Variants in ALK observed in about 807,000 individuals in gnomAD.
The protein encoded by ALK is ALK tyrosine kinase receptor.
In ALK, 74 loss-of-function variants were observed where a neutral mutation model predicts 163.1. The observed-to-expected ratio is 0.45, with a 90% confidence interval of 0.38 to 0.55. The LOEUF is 0.55. Among genes scored for constraint, ALK ranks in the 20% least tolerant of loss-of-function variants. The probability of loss-of-function intolerance (pLI) is 0.00; values close to 1 mark genes in which losing one functional copy is unlikely to be tolerated. For synonymous variants in ALK, 960 were observed against 843.2 expected (o/e 1.14, Z -2.40); for missense variants, 2,063 against 2,105.3 (o/e 0.98, Z 0.39).
intron 4 of ALK, among the ~76,000 whole-genome samples, chr2:29,505,711 A>G (rs532546515): frequency 1.3e-5 from 2 of 152,090 alleles, no homozygotes; most frequent in African/African-American, 4.8e-5. Context: ...CAGCCACATC[A>G]GATAATTCAT....
chr2:29,674,824 A>G (rs1216877778), intron 3 of ALK, among the ~76,000 whole-genome samples: 1 of 129,910 alleles, frequency 7.7e-6, no homozygotes, highest in Non-Finnish European at 1.6e-5. Flanking sequence ...TTTAGTTGGT[A>G]AGCTATTGAT....
intron 4 of ALK, among the ~76,000 whole-genome samples, chr2:29,394,520 G>C (rs1669256791): frequency 6.6e-6 from 1 of 152,192 alleles, no homozygotes; most frequent in African/African-American, 2.4e-5. Context: ...CTGAATTCTG[G>C]GCAGGGGAAG....
chr2:29,909,029 T>G (rs1028776918), intron 1 of ALK, among the ~76,000 whole-genome samples: 1 of 152,226 alleles, frequency 6.6e-6, no homozygotes, highest in Non-Finnish European at 1.5e-5. Context: ...AAGGATTCCC[T>G]TGTCTAATTT....
intron 3 of ALK, among the ~76,000 whole-genome samples, chr2:29,571,375 T>C (rs556857486): frequency 3.1e-4 from 47 of 152,180 alleles, no homozygotes; most frequent in South Asian, 1.9e-3. Context: ...AGGAGGTGAT[T>C]GGATCATGGG....
chr2:29,491,152 T>C (rs1671889945), intron 4 of ALK, among the ~76,000 whole-genome samples: 1 of 152,234 alleles, frequency 6.6e-6, no homozygotes, highest in African/African-American at 2.4e-5. Context: ...TTAAAAGTTT[T>C]ACTCCTAATA....
At chr2:29,602,177 C>T (rs1675396806) in intron 3 of ALK, among the ~76,000 whole-genome samples, 1 of 151,870 alleles carries the variant, frequency 6.6e-6, no homozygotes, top group African/African-American at 2.4e-5. Context: ...TTATCATTTT[C>T]CTGGGGAAAA....
chr2:29,782,601 T>C (rs1663864588), intron 1 of ALK, among the ~76,000 whole-genome samples: 1 of 152,140 alleles, frequency 6.6e-6, no homozygotes, highest in South Asian at 2.1e-4. Flanking sequence ...TCCCAGCCTT[T>C]GTCAGTCTTC....
At chr2:29,568,347 A>G (rs1674253556) in intron 3 of ALK, among the ~76,000 whole-genome samples, 1 of 152,234 alleles carries the variant, frequency 6.6e-6, no homozygotes, top group South Asian at 2.1e-4. Flanking sequence ...TCTTTTGACA[A>G]CGGCATAGTG....
At chr2:29,224,881 C>G (rs925903611) in intron 19 of ALK, among the ~76,000 whole-genome samples, 3 of 152,230 alleles carry the variant, frequency 2.0e-5, no homozygotes, top group Non-Finnish European at 2.9e-5. Context: ...TCCCTCTGCC[C>G]TTTTCAAGCC....
chr2:29,467,758 A>G (rs1421207927), intron 4 of ALK, among the ~76,000 whole-genome samples: 1 of 152,178 alleles, frequency 6.6e-6, no homozygotes, highest in African/African-American at 2.4e-5. Flanking sequence ...TATATTACAG[A>G]GTTTTCCAGA....
At chr2:29,496,563 TA>T (rs893710390) in intron 4 of ALK, among the ~76,000 whole-genome samples, 18 of 151,418 alleles carry the variant, frequency 1.2e-4, no homozygotes, top group Middle Eastern at 3.4e-3. Flanking sequence ...TTACAATAAA[TA>T]AAAAAAAATG....
In ALK at chr2:29,296,979, C is replaced by A. The variant is rs750740789; in HGVS notation, c.1726G>T (p.Glu576Ter). The change falls in exon 9 of 29, where the codon GAG becomes TAG. Residue 576 changes from glutamate (E) to a stop codon, truncating the protein, a stop_gained. Transcript: ENST00000389048. LOFTEE classifies it high-confidence loss of function. ...ACATGCCAGACCATCCTGCCTTGCT[C>A]CTTCCCGGTTTTGTTCTCCACTAGC... ...LVLVENKTGK[E>*]QGRMVWHVAA... 1.2e-6 allele frequency: 2 copies of A among 1,614,118 alleles called. No individual in the cohort carries two copies. The highest frequency in any genetic ancestry group is 1.7e-6 in the Non-Finnish European group (2 of 1,180,046).
At chr2:29,400,341 G>A (rs549634782) in intron 4 of ALK, among the ~76,000 whole-genome samples, 1 of 152,328 alleles carries the variant, frequency 6.6e-6, no homozygotes, top group Middle Eastern at 3.4e-3. Context: ...TGGGGTGACA[G>A]CACTCTGTTT....
At chr2:29,647,773 TTC>T (rs1469835577) in intron 3 of ALK, among the ~76,000 whole-genome samples, 2 of 101,774 alleles carry the variant, frequency 2.0e-5, no homozygotes, top group Non-Finnish European at 3.7e-5. Flanking sequence ...TCATGATTTT[TTC>T]TTTTTTTTTT....
chr2:29,404,407 A>G (rs11902574), intron 4 of ALK, among the ~76,000 whole-genome samples: 35,367 of 152,164 alleles, frequency 0.23, 4,437 homozygotes, highest in Non-Finnish European at 0.28. Flanking sequence ...CTTACAGTGC[A>G]TGCAGAGTTG....
In ALK at chr2:29,902,581, A is replaced by T. The variant is rs553841515; in HGVS notation, c.667+17412T>A. On this transcript the variant is annotated intron_variant, in intron 1 of 28. Transcript: ENST00000389048. ...GCTTGCTCTCCAAGGTCCTGGCCCC[A>T]TCCTGCCCATCCAACTGTACTTACC... Among the ~76,000 whole-genome samples the T allele has an allele frequency of 6.6e-5, 10 of 152,306 alleles. No homozygotes were observed. In the East Asian group the frequency reaches 1.5e-3, roughly 24 times the overall value.
At chr2:29,331,176 T>G (rs1667427532) in intron 5 of ALK, among the ~76,000 whole-genome samples, 1 of 152,096 alleles carries the variant, frequency 6.6e-6, no homozygotes, top group Admixed American at 6.5e-5. Context: ...TTTTTCTTAC[T>G]CACACAGAAG....
intron 4 of ALK, among the ~76,000 whole-genome samples, chr2:29,439,505 A>T (rs1364520653): frequency 6.6e-6 from 1 of 152,198 alleles, no homozygotes; most frequent in Non-Finnish European, 1.5e-5. Flanking sequence ...ACAGATAGAG[A>T]ATAGACGGCT....
intron 1 of ALK, among the ~76,000 whole-genome samples, chr2:29,833,835 C>G (rs1665486879): frequency 6.6e-6 from 1 of 152,182 alleles, no homozygotes; most frequent in Non-Finnish European, 1.5e-5. Flanking sequence ...ACAAACATAT[C>G]TCACCACATC....
Sources: gnomAD v4.1 joint callset for allele counts (sites outside exome capture counted in the v4.1 genomes callset) on GRCh38, gnomAD v4.1.1 for gene constraint, MANE v1.5 for transcripts, NCBI Gene and HGNC (gene_info 2026-07-23, HGNC 2026-07-21) for gene names.